FOCAD: variants seen among roughly 807,000 people sequenced by gnomAD.
FOCAD encodes focadhesin, also known as KIAA1797.
In FOCAD, 198 loss-of-function variants were observed where a neutral mutation model predicts 225.6. That is an observed-to-expected ratio of 0.88 (90% CI 0.78 to 0.99). FOCAD has a LOEUF of 0.99. Among genes scored for constraint, FOCAD ranks in the 50% least tolerant of loss-of-function variants. FOCAD has a pLI of 0.00. For synonymous variants in FOCAD, 897 were observed against 755.0 expected (o/e 1.19, Z -3.08); for missense variants, 2,713 against 2,123.6 (o/e 1.28, Z -5.46).
In FOCAD at chr9:20,922,555, A is replaced by G. The variant is rs117655852; in HGVS notation, c.2853-1105A>G. Among the ~76,000 whole-genome samples the G allele has an allele frequency of 1.8e-3, 277 of 152,350 alleles. 2 individuals carry two copies. The highest frequency in any genetic ancestry group is 0.013 in the Admixed American group (204 of 15,306). On this transcript the variant is annotated intron_variant, in intron 24 of 43. Transcript: ENST00000338382. ...TAATACCCACTGACTCAAGTCTTCAATTGAGACTATGGCTTGGGACTTGAG... is the reference window on the plus strand; with the variant it reads ...TAATACCCACTGACTCAAGTCTTCAGTTGAGACTATGGCTTGGGACTTGAG...
At chr9:20,879,018 T>C (rs900160176) in intron 19 of FOCAD, among the ~76,000 whole-genome samples, 3 of 152,242 alleles carry the variant, frequency 2.0e-5, no homozygotes, top group Non-Finnish European at 2.9e-5. Flanking sequence ...CCCATCAACA[T>C]TGAGGGCAGA....
chr9:20,835,912 G>A (rs957843659), intron 15 of FOCAD, among the ~76,000 whole-genome samples: 4 of 152,024 alleles, frequency 2.6e-5, no homozygotes, highest in Non-Finnish European at 4.4e-5. Context: ...GAGGAGGGGC[G>A]GCCTTTCCTG....
At chr9:20,841,416 CTT>C (rs1416334016) in intron 15 of FOCAD, among the ~76,000 whole-genome samples, 1 of 151,192 alleles carries the variant, frequency 6.6e-6, no homozygotes, top group Non-Finnish European at 1.5e-5. Context: ...TGATGGAAGA[CTT>C]TATTTTGGCA....
chr9:20,763,499 A>T (rs780254408), intron 6 of FOCAD, among the ~76,000 whole-genome samples: 18 of 152,222 alleles, frequency 1.2e-4, no homozygotes, highest in Non-Finnish European at 2.4e-4. Flanking sequence ...AAGGCATTGT[A>T]TCTTAAAAGC....
chr9:20,992,941 G>A (rs1211681706), intron 42 of FOCAD, among the ~76,000 whole-genome samples: 1 of 151,528 alleles, frequency 6.6e-6, no homozygotes, highest in Non-Finnish European at 1.5e-5. Context: ...CCAGCCTGGT[G>A]ACAGAGCAAG....
At chr9:20,760,200 G>A (rs1341654391) in intron 6 of FOCAD, among the ~76,000 whole-genome samples, 1 of 152,226 alleles carries the variant, frequency 6.6e-6, no homozygotes, top group African/African-American at 2.4e-5. Flanking sequence ...CTCTGTGGCT[G>A]TGGTTTTCAA....
intron 18 of FOCAD, among the ~76,000 whole-genome samples, chr9:20,870,217 C>G (rs1174671766): frequency 6.6e-6 from 1 of 152,164 alleles, no homozygotes; most frequent in Non-Finnish European, 1.5e-5. Context: ...ATTATGCATT[C>G]AGGGTTGGTA....
chr9:20,922,341 T>TGG (rs71304866), intron 24 of FOCAD, among the ~76,000 whole-genome samples: 9 of 151,640 alleles, frequency 5.9e-5, no homozygotes, highest in Admixed American at 1.3e-4. Flanking sequence ...TACATTGAGG[T>TGG]GGGGGGGTGG....
chr9:20,809,899 C>G (rs746340653), intron 11 of FOCAD, among the ~76,000 whole-genome samples: 1 of 152,006 alleles, frequency 6.6e-6, no homozygotes, highest in Non-Finnish European at 1.5e-5. Flanking sequence ...AGAAGTTATT[C>G]TTTTTAGAAA....
chr9:20,799,451 A>C (rs540733671), intron 11 of FOCAD, among the ~76,000 whole-genome samples: 61 of 151,412 alleles, frequency 4.0e-4, no homozygotes, highest in Non-Finnish European at 6.1e-4. Flanking sequence ...GTGGGGTGTT[A>C]AAGTCTCCCA....
upstream of FOCAD, among the ~76,000 whole-genome samples, chr9:20,682,287 T>C (rs143067981): frequency 2.6e-5 from 4 of 152,358 alleles, no homozygotes; most frequent in Admixed American, 6.5e-5. Flanking sequence ...AAAAGTAGAC[T>C]CAATATCATT....
chr9:20,923,561 A>C, intron 24 of FOCAD, 99 bp from the exon 25 acceptor site: 1 of 756,152 alleles, frequency 1.3e-6, no homozygotes, highest in Non-Finnish European at 2.2e-6. Flanking sequence ...GAAGGAACAC[A>C]AGTTGCTTTT....
intron 10 of FOCAD, among the ~76,000 whole-genome samples, chr9:20,783,019 G>C (rs887954855): frequency 6.6e-6 from 1 of 152,182 alleles, no homozygotes; most frequent in African/African-American, 2.4e-5. Flanking sequence ...AATTCTAGTA[G>C]CTTTTTTACT....
chr9:20,967,143 C>T (rs977735974), intron 35 of FOCAD, among the ~76,000 whole-genome samples: 6 of 151,926 alleles, frequency 3.9e-5, no homozygotes, highest in Non-Finnish European at 8.8e-5. Context: ...ATTCAGTATT[C>T]GAATCTGTGA....
At position 20,874,962 on chromosome 9, in the gene FOCAD, C is replaced by T. The variant is rs1830114555; in HGVS notation, c.2317+155C>T. The T allele has an allele frequency of 4.3e-6, 4 of 934,140 alleles. No individual in the cohort carries two copies. In the South Asian group the frequency reaches 6.0e-5, roughly 14 times the overall value. 57.9% of individuals were successfully genotyped at this position (934,140 alleles called of 1,614,324 possible). A position where few individuals can be genotyped will look rare whatever the true frequency, so the allele number is the denominator to read the frequency against. On this transcript the variant is annotated intron_variant, in intron 19 of 43. Coordinates refer to ENST00000338382, the MANE Select transcript of FOCAD (RefSeq NM_001375567.1). Reference sequence around the variant, plus strand: ...GCACCCATCTGTTCTATTGAAACAGCTTGAGGTAGTATGGTGTTTAAATCA... The same window carrying T: ...GCACCCATCTGTTCTATTGAAACAGTTTGAGGTAGTATGGTGTTTAAATCA...
At chr9:20,982,167 CAAAA>C (rs138719230) in intron 38 of FOCAD, among the ~76,000 whole-genome samples, 186 bp from the exon 39 acceptor site, 2 of 151,780 alleles carry the variant, frequency 1.3e-5, no homozygotes, top group Non-Finnish European at 2.9e-5. Flanking sequence ...CAAAACAAAA[CAAAA>C]AAACACAAAG....
chr9:20,672,426 A>T (rs1377055999), intron 2 of FOCAD, among the ~76,000 whole-genome samples: 1 of 152,214 alleles, frequency 6.6e-6, no homozygotes, highest in African/African-American at 2.4e-5. Flanking sequence ...GAAATCAATA[A>T]GTTATAACTT....
chr9:20,800,063 C>T (rs903907381), intron 11 of FOCAD, among the ~76,000 whole-genome samples: 6 of 152,120 alleles, frequency 3.9e-5, no homozygotes, highest in Non-Finnish European at 8.8e-5. Flanking sequence ...AATCTCTCAG[C>T]ATTTGCTTGT....
chr9:20,658,816 A>T (rs1821609333), exon 2 of FOCAD: 1 of 153,190 alleles, frequency 6.5e-6, no homozygotes, highest in South Asian at 2.1e-4. Flanking sequence ...AACTAACTCC[A>T]TTCTTAATTG....
Sources: gnomAD v4.1 joint callset for allele counts (sites outside exome capture counted in the v4.1 genomes callset) on GRCh38, gnomAD v4.1.1 for gene constraint, MANE v1.5 for transcripts, NCBI Gene and HGNC (gene_info 2026-07-23, HGNC 2026-07-21) for gene names.